The following PAPPA2 variants were observed in gnomAD, a reference collection of about 807,000 sequenced individuals.
PAPPA2 encodes pappalysin 2, also known as pappalysin-2.
Under a neutral mutation model 176.4 loss-of-function variants are expected in PAPPA2, and 86 were observed. That is an observed-to-expected ratio of 0.49 (90% CI 0.41 to 0.58). The LOEUF is 0.58. Among genes scored for constraint, PAPPA2 ranks in the 20% least tolerant of loss-of-function variants. PAPPA2 has a pLI of 0.00. For missense variants in PAPPA2, 2,073 were observed against 2,256.9 expected (o/e 0.92, Z 1.65); for synonymous variants, 809 against 852.2 (o/e 0.95, Z 0.88).
intron 1 of PAPPA2, among the ~76,000 whole-genome samples, chr1:176,521,785 A>G (rs1649228192): frequency 6.6e-6 from 1 of 152,178 alleles, no homozygotes; most frequent in African/African-American, 2.4e-5. Flanking sequence ...TAGTCCTTAT[A>G]CTAGAATGCA....
intron 1 of PAPPA2, among the ~76,000 whole-genome samples, chr1:176,469,167 C>T (rs1651763057): frequency 6.6e-6 from 1 of 152,216 alleles, no homozygotes. Context: ...CTTCAATTTC[C>T]TTGATAAGCC....
chr1:176,579,344 T>A (rs1168864431), intron 2 of PAPPA2, among the ~76,000 whole-genome samples: 1 of 152,222 alleles, frequency 6.6e-6, no homozygotes, highest in Non-Finnish European at 1.5e-5. Context: ...GCTCTTCCCA[T>A]TAGCCCCTCC....
chr1:176,704,235 C>T (rs183648547), intron 9 of PAPPA2, among the ~76,000 whole-genome samples: 30 of 152,262 alleles, frequency 2.0e-4, no homozygotes, highest in Non-Finnish European at 3.1e-4. Context: ...TACTGGGTCT[C>T]GCAAGGTTAC....
At chr1:176,607,408 A>T (rs897472953) in intron 3 of PAPPA2, among the ~76,000 whole-genome samples, 1 of 152,036 alleles carries the variant, frequency 6.6e-6, no homozygotes, top group Non-Finnish European at 1.5e-5. Flanking sequence ...TCTACTCTCT[A>T]CCTTTGTGAG....
intron 2 of PAPPA2, among the ~76,000 whole-genome samples, chr1:176,594,118 A>G (rs1382690689): frequency 2.6e-5 from 4 of 152,190 alleles, no homozygotes; most frequent in Non-Finnish European, 5.9e-5. Context: ...AAAAAGTATG[A>G]CTACTCTCAT....
chr1:176,482,603 T>C (rs1485618607), intron 1 of PAPPA2, among the ~76,000 whole-genome samples: 3 of 152,160 alleles, frequency 2.0e-5, no homozygotes, highest in Admixed American at 6.6e-5. Flanking sequence ...TGAAATACCA[T>C]AAGAATTTGT....
chr1:176,595,315 C>G lies in PAPPA2; in HGVS notation c.1711C>G (p.Gln571Glu), dbSNP rs779111961. The change falls in exon 3 of 23, where the codon CAG (glutamine) becomes GAG (glutamate). Residue 571 changes from glutamine (Q) to glutamate (E), a missense_variant. Transcript: ENST00000367662. ...CATCAGCTGGCAGCTGAGCGTCCACCAGGTCCACAATTCCACCCTGCGACA... is the reference window on the plus strand; with the variant it reads ...CATCAGCTGGCAGCTGAGCGTCCACGAGGTCCACAATTCCACCCTGCGACA... ...YNISWQLSVH[Q>E]VHNSTLRHRV... 6.2e-7 allele frequency: 1 copy of G among 1,614,188 alleles called. No individual in the cohort carries two copies. Among genetic ancestry groups the G allele is most frequent in the Admixed American group, 1.7e-5 (1 of 60,028 alleles).
At chr1:176,616,812 C>A in intron 3 of PAPPA2, 1 of 738,862 alleles carries the variant, frequency 1.4e-6, no homozygotes, top group South Asian at 1.5e-5. Context: ...AAAAAATACT[C>A]AATAGGGTTA....
Position 176,470,694 on chromosome 1 carries a change from C to T in PAPPA2, c.-917+7276C>T, listed in dbSNP as rs149752846. Among the ~76,000 whole-genome samples the T allele has an allele frequency of 1.3e-4, 20 of 152,296 alleles. 1 individual carries two copies. The highest frequency in any genetic ancestry group is 3.4e-4 in the African/African-American group (14 of 41,562). On this transcript the variant is annotated intron_variant, in intron 1 of 22. Coordinates refer to ENST00000367662, the MANE Select transcript of PAPPA2 (RefSeq NM_020318.3). ...AGAAATACTCAACTCCCAGTGAAAACGGACAAGAAGCAACAAAAATGTGAA... is the reference window on the plus strand; with the variant it reads ...AGAAATACTCAACTCCCAGTGAAAATGGACAAGAAGCAACAAAAATGTGAA...
chr1:176,837,613 G>A (rs1410134426), intron 21 of PAPPA2, among the ~76,000 whole-genome samples: 5 of 151,824 alleles, frequency 3.3e-5, no homozygotes, highest in Non-Finnish European at 7.4e-5. Flanking sequence ...TATGTGAAAC[G>A]CTTTATTTTC....
At chr1:176,580,249 G>C (rs1481808238) in intron 2 of PAPPA2, among the ~76,000 whole-genome samples, 5 of 152,252 alleles carry the variant, frequency 3.3e-5, no homozygotes, top group Non-Finnish European at 2.9e-5. Flanking sequence ...ATATGAATGA[G>C]AACATGAAAT....
intron 1 of PAPPA2, among the ~76,000 whole-genome samples, chr1:176,524,206 A>G (rs192336901): frequency 5.4e-4 from 82 of 152,294 alleles, no homozygotes; most frequent in Non-Finnish European, 1.1e-3. Flanking sequence ...CACATGGCAT[A>G]TAGCAGATCT....
At chr1:176,819,484 G>T (rs1162220473) in intron 21 of PAPPA2, among the ~76,000 whole-genome samples, 1 of 152,154 alleles carries the variant, frequency 6.6e-6, no homozygotes, top group Non-Finnish European at 1.5e-5. Flanking sequence ...CTCTTTGGTT[G>T]TGTGACCTCA....
chr1:176,544,492 C>G (rs1488062740), intron 1 of PAPPA2, among the ~76,000 whole-genome samples: 1 of 152,156 alleles, frequency 6.6e-6, no homozygotes, highest in Non-Finnish European at 1.5e-5. Flanking sequence ...TGTCATTCCT[C>G]AAATACTTTC....
At chr1:176,781,365 C>CTTTTTTTTTTTTTTTT (rs35029858) in intron 17 of PAPPA2, among the ~76,000 whole-genome samples, 1 of 46,228 alleles carries the variant, frequency 2.2e-5, no homozygotes. Flanking sequence ...TTGTAAGGGG[C>CTTTTTTTTTTTTTTTT]TTTTTTTTTT....
Position 176,791,434 on chromosome 1 carries a change from T to A in PAPPA2, c.4972T>A (p.Ser1658Thr). ...NLQGECPPPP[S>T]ELNSVEYKCE... Reference sequence around the variant, plus strand: ...GCAAGGAGAATGCCCACCACCCCCCTCAGAGCTGAATTCTGTGGAGTACAA... The same window carrying A: ...GCAAGGAGAATGCCCACCACCCCCCACAGAGCTGAATTCTGTGGAGTACAA... Residue 1658 changes from serine to threonine, a missense_variant, in exon 19 of 23, where the codon TCA becomes ACA. By Grantham distance (58) the Ser-to-Thr change is moderately conservative. This residue lies in a region of PAPPA2 where 846 missense variants were observed against 857.9 expected (regional missense o/e 0.99). Transcript: ENST00000367662. The A allele has an allele frequency of 6.2e-7, 1 of 1,613,814 alleles. No homozygotes were observed. The highest frequency in any genetic ancestry group is 1.3e-5 in the African/African-American group (1 of 75,014).
chr1:176,464,481 A>G (rs543195678), intron 1 of PAPPA2, among the ~76,000 whole-genome samples: 1 of 152,312 alleles, frequency 6.6e-6, no homozygotes, highest in South Asian at 2.1e-4. Context: ...ATGCACTGTT[A>G]ACATCTTGAA....
At chr1:176,648,549 A>G (rs927663522) in intron 3 of PAPPA2, among the ~76,000 whole-genome samples, 1 of 151,588 alleles carries the variant, frequency 6.6e-6, no homozygotes. Context: ...TCCCCCATTC[A>G]GTAAATGTTA....
rs1450195625 is a variant in PAPPA2, at chr1:176,466,008, A to G, written c.-917+2590A>G. On this transcript the variant is annotated intron_variant, in intron 1 of 22. Coordinates refer to ENST00000367662, the MANE Select transcript of PAPPA2 (RefSeq NM_020318.3). ...TTAGTTATCTATAAATTAGTTATCT[A>G]TTAAATGTCTTAGGTTTTAAAAAAT... Among the ~76,000 whole-genome samples the G allele has an allele frequency of 2.6e-5, 4 of 152,248 alleles. No homozygotes were observed. In the East Asian group the frequency reaches 7.7e-4, roughly 29 times the overall value.
Sources: allele counts gnomAD v4.1 joint callset (sites outside exome capture counted in the v4.1 genomes callset), GRCh38; gene constraint gnomAD v4.1.1; regional missense constraint gnomAD v4.1.1; transcripts MANE v1.5; gene names NCBI Gene and HGNC (gene_info 2026-07-23, HGNC 2026-07-21).